Variants in AMMECR1L observed in about 807,000 individuals in gnomAD.
AMMECR1L encodes the protein AMMECR1 like, also known as AMMECR1-like protein.
Under a neutral mutation model 36.8 loss-of-function variants are expected in AMMECR1L, and 4 were observed. The ratio of observed to expected loss-of-function variants is 0.11; its 90% confidence interval spans 0.05 to 0.25. AMMECR1L has a LOEUF of 0.25. AMMECR1L is among the 10% of genes least tolerant of loss of function. The pLI is 1.00. For synonymous variants in AMMECR1L, 147 were observed against 148.0 expected (o/e 0.99, Z 0.05); for missense variants, 232 against 392.1 (o/e 0.59, Z 3.45).
At position 127,869,098 on chromosome 2, in the gene AMMECR1L, G is replaced by A. The variant is rs1690839503; in HGVS notation, c.724+356C>T. Among the ~76,000 whole-genome samples, 1 of 152,152 alleles carries A rather than the reference G, an allele frequency of 6.6e-6. No homozygotes were observed. The highest frequency in any genetic ancestry group is 1.5e-5 in the Non-Finnish European group (1 of 68,024). ...CATGTATAATATTGTTTAATGATTT[G>A]TGATCCAAAGTTCGGTACCTACTGA... is the stretch of plus-strand genomic sequence containing the variant. On this transcript the variant is annotated intron_variant, in intron 6 of 7. Coordinates refer to ENST00000272647, the MANE Select transcript of AMMECR1L (RefSeq NM_001199140.2). This position sits in a 1 kb window ranked among gnomAD's most constrained non-coding sequence, Gnocchi z 4.7.
Position 127,871,413 on chromosome 2 carries a change from G to A in AMMECR1L, c.408-54C>T. 6.4e-7 allele frequency: 1 copy of A among 1,553,052 alleles called. No homozygotes were observed. The highest frequency in any genetic ancestry group is 8.8e-7 in the Non-Finnish European group (1 of 1,140,986). On this transcript the variant is annotated intron_variant, in intron 3 of 7. Coordinates refer to ENST00000272647, the MANE Select transcript of AMMECR1L (RefSeq NM_001199140.2). The surrounding 1 kb of genome is among the most constrained non-coding windows in gnomAD (Gnocchi z 4.3). ...CCAGCCCCAAATTAATCATGGATAA[G>A]AACAAAACCTTTTGGCTTTGTCCCT...
rs1573532837 is a variant in AMMECR1L, at chr2:127,865,037, A to G, written c.*57T>C. On this transcript the variant is annotated 3_prime_UTR_variant, in exon 8 of 8. Coordinates refer to ENST00000272647, the MANE Select transcript of AMMECR1L (RefSeq NM_001199140.2). This position sits in a 1 kb window ranked among gnomAD's most constrained non-coding sequence, Gnocchi z 5.4. ...CCAGGAAGAGGAGGCATCTGCTCCA[A>G]TGATGTCATAGCCATTGGTGGCCAC... The G allele has an allele frequency of 1.5e-5, 18 of 1,210,690 alleles. No homozygotes were observed. The East Asian group carries it at 2.4e-4, about 16-fold the overall frequency. The allele number at this position is 1,210,690 out of a possible 1,614,324, so 75.0% of individuals were successfully genotyped here.
intron 2 of AMMECR1L, among the ~76,000 whole-genome samples, chr2:127,882,980 A>G (rs1488108314): frequency 6.6e-6 from 1 of 151,610 alleles, no homozygotes; most frequent in East Asian, 1.9e-4. Flanking sequence ...ACAGGGCTCA[A>G]GCGATCCTCC....
Position 127,873,893 on chromosome 2 carries a change from G to A in AMMECR1L, c.342C>T (p.Asp114=), listed in dbSNP as rs149079325. 583 of 1,614,194 alleles carry A rather than the reference G, an allele frequency of 3.6e-4. No individual in the cohort carries two copies. The highest frequency in any genetic ancestry group is 4.6e-4 in the Non-Finnish European group (538 of 1,180,038). The change falls in exon 3 of 8, where the codon GAC becomes GAT. Residue 114 remains aspartate, a synonymous_variant. Coordinates refer to ENST00000272647, the MANE Select transcript of AMMECR1L (RefSeq NM_001199140.2). This position sits in a 1 kb window ranked among gnomAD's most constrained non-coding sequence, Gnocchi z 5.2. ...AGCCATAGAGGTGACAGTAGAGTAC[G>A]TCGAAGCAGTAGCAGCACATCTCTG... is the stretch of plus-strand genomic sequence containing the variant. ...VTAEMCCYCF[D]VLYCHLYGFP...
At position 127,873,671 on chromosome 2, in the gene AMMECR1L, T is replaced by C. The variant is rs761578706; in HGVS notation, c.407+157A>G. 26 of 985,346 alleles carry C rather than the reference T, an allele frequency of 2.6e-5. No individual in the cohort carries two copies. The highest frequency in any genetic ancestry group is 3.1e-5 in the Non-Finnish European group (26 of 829,946). The allele number at this position is 985,346 out of a possible 1,614,324, so 61.0% of individuals were successfully genotyped here. A position where few individuals can be genotyped will look rare whatever the true frequency, so the allele number is the denominator to read the frequency against. ...CTTCCATTACTGAATCCACTGAATG[T>C]TTTAAATATTCTCTGGACATTTCTT... On this transcript the variant is annotated intron_variant, in intron 3 of 7. Transcript: ENST00000272647. This position sits in a 1 kb window ranked among gnomAD's most constrained non-coding sequence, Gnocchi z 5.2.
rs1029864731 is a variant in AMMECR1L, at chr2:127,874,806, G to A, written c.-38-534C>T. On this transcript the variant is annotated intron_variant, in intron 2 of 7. Transcript: ENST00000272647. This position sits in a 1 kb window ranked among gnomAD's most constrained non-coding sequence, Gnocchi z 5.2. ...CCACAGCAAGGATGAAAAGCAGTTG[G>A]CTGTCACTCTGAAGAGGGCACATCT... Among the ~76,000 whole-genome samples, 5 of 152,150 alleles carry A rather than the reference G, an allele frequency of 3.3e-5. No individual in the cohort carries two copies. Among genetic ancestry groups the A allele is most frequent in the Admixed American group, 2.6e-4 (4 of 15,266 alleles).
In AMMECR1L at chr2:127,861,935, G is replaced by A. The variant is rs1690485336; in HGVS notation, c.*3159C>T. 1 of 152,588 alleles carries A rather than the reference G, an allele frequency of 6.6e-6. No homozygotes were observed. Among genetic ancestry groups the A allele is most frequent in the African/African-American group, 2.4e-5 (1 of 41,436 alleles). 9.5% of individuals were successfully genotyped at this position (152,588 alleles called of 1,614,324 possible). A position where few individuals can be genotyped will look rare whatever the true frequency, so the allele number is the denominator to read the frequency against. On this transcript the variant is annotated 3_prime_UTR_variant, in exon 8 of 8. Transcript: ENST00000272647. ...AATATTAACACCCAGGACTTCTTTT[G>A]TATAGATGATTTTTATTATAAACAA... is the stretch of plus-strand genomic sequence containing the variant.
chr2:127,878,960 A>T (rs1691369511), intron 2 of AMMECR1L, among the ~76,000 whole-genome samples: 1 of 152,222 alleles, frequency 6.6e-6, no homozygotes, highest in Non-Finnish European at 1.5e-5. Flanking sequence ...AAAGTGGAGA[A>T]AATAGTATAC....
chr2:127,867,124 T>C, intron 6 of AMMECR1L, 128 bp from the exon 7 acceptor site: 7 of 1,504,044 alleles, frequency 4.7e-6, no homozygotes, highest in Non-Finnish European at 5.3e-6. Context: ...GAGGAAGCCC[T>C]GGGCACTGAC....
At chr2:127,880,773 T>TACACACACACACAC (rs56950354) in intron 2 of AMMECR1L, among the ~76,000 whole-genome samples, 1 of 148,904 alleles carries the variant, frequency 6.7e-6, no homozygotes, top group Non-Finnish European at 1.5e-5. Flanking sequence ...ACATACAGTA[T>TACACACACACACAC]ACACACACAC....
intron 2 of AMMECR1L, among the ~76,000 whole-genome samples, chr2:127,881,354 C>T (rs937393989): frequency 8.5e-6 from 1 of 117,344 alleles, no homozygotes; most frequent in African/African-American, 2.6e-5. Flanking sequence ...GATGATGCCC[C>T]CACTCATGTG....
chr2:127,883,515 G>A lies in AMMECR1L; in HGVS notation c.-39+688C>T, dbSNP rs567502629. ...GTAGCAAGGTGCCACATTTTTCTGG[G>A]CCTCAGTTCTTTCATTTGTAAAATA... On this transcript the variant is annotated intron_variant, in intron 2 of 7. Coordinates refer to ENST00000272647, the MANE Select transcript of AMMECR1L (RefSeq NM_001199140.2). Among the ~76,000 whole-genome samples, 4 of 151,988 alleles carry A rather than the reference G, an allele frequency of 2.6e-5. No homozygotes were observed. In the East Asian group the frequency reaches 7.7e-4, roughly 29 times the overall value.
chr2:127,874,321 G>GAAA lies in AMMECR1L; in HGVS notation c.-38-50_-38-49insTTT. On this transcript the variant is annotated intron_variant, in intron 2 of 7. Transcript: ENST00000272647. The surrounding 1 kb of genome is among the most constrained non-coding windows in gnomAD (Gnocchi z 5.2). The stretch of plus-strand genomic sequence containing the variant: ...ATTAATTTGACTGGTTAGTTAAAAG[G>GAAA]AGAGGAAAAAACATCAAAGATAGAG... 6.6e-7 allele frequency: 1 copy of GAAA among 1,514,802 alleles called. No homozygotes were observed. Among genetic ancestry groups the GAAA allele is most frequent in the African/African-American group, 1.4e-5 (1 of 71,556 alleles). 93.8% of individuals were successfully genotyped at this position (1,514,802 alleles called of 1,614,324 possible). A position where few individuals can be genotyped will look rare whatever the true frequency, so the allele number is the denominator to read the frequency against.
intron 1 of AMMECR1L, 124 bp downstream of exon 1, chr2:127,885,686 G>A (rs1414218475): frequency 1.0e-5 from 10 of 983,572 alleles, no homozygotes; most frequent in Non-Finnish European, 1.1e-5. Flanking sequence ...AGGACCGCGG[G>A]GTCTCTTCCC....
At chr2:127,880,801 C>CACA (rs1691464726) in intron 2 of AMMECR1L, among the ~76,000 whole-genome samples, 1 of 151,754 alleles carries the variant, frequency 6.6e-6, no homozygotes, top group Non-Finnish European at 1.5e-5. Context: ...CACACACACT[C>CACA]CTGATTGTCA....
Position 127,885,461 on chromosome 2 carries a change from G to A in AMMECR1L, c.-149+349C>T. On this transcript the variant is annotated intron_variant, in intron 1 of 7. Coordinates refer to ENST00000272647, the MANE Select transcript of AMMECR1L (RefSeq NM_001199140.2). Reference sequence around the variant, plus strand: ...TGGGTGGGGGCCACCAGGCGGCGCCGGAGACCACCAAACTTTACAGCGAGC... The same window carrying A: ...TGGGTGGGGGCCACCAGGCGGCGCCAGAGACCACCAAACTTTACAGCGAGC... 3.1e-6 allele frequency: 3 copies of A among 982,068 alleles called. No homozygotes were observed. The South Asian group carries it at 1.4e-4, about 46-fold the overall frequency. 60.8% of individuals were successfully genotyped at this position (982,068 alleles called of 1,614,324 possible). A position where few individuals can be genotyped will look rare whatever the true frequency, so the allele number is the denominator to read the frequency against.
rs1690984198 is a variant in AMMECR1L at position 127,871,844 on chromosome 2, A to C, written c.408-485T>G. Among the ~76,000 whole-genome samples the C allele has an allele frequency of 6.6e-6, 1 of 151,978 alleles. No individual in the cohort carries two copies. The highest frequency in any genetic ancestry group is 1.5e-5 in the Non-Finnish European group (1 of 68,012). On this transcript the variant is annotated intron_variant, in intron 3 of 7. Coordinates refer to ENST00000272647, the MANE Select transcript of AMMECR1L (RefSeq NM_001199140.2). The surrounding 1 kb of genome is among the most constrained non-coding windows in gnomAD (Gnocchi z 4.3). ...ACAACTACAAATATTTCCACTCACA[A>C]ATTTTCAGAAAAAAAAGTTCCCTCA...
chr2:127,881,092 AG>A (rs1320225050), intron 2 of AMMECR1L, among the ~76,000 whole-genome samples: 1 of 111,480 alleles, frequency 9.0e-6, no homozygotes, highest in Non-Finnish European at 1.8e-5. Context: ...AGTAGCTGTC[AG>A]TTCTGAACTG....
intron 2 of AMMECR1L, among the ~76,000 whole-genome samples, chr2:127,879,075 C>A (rs538565104): frequency 1.3e-5 from 2 of 152,284 alleles, no homozygotes; most frequent in South Asian, 4.1e-4. Context: ...ACCTCCCATC[C>A]CTCTATGGAA....
Sources: gnomAD v4.1 joint callset for allele counts (sites outside exome capture counted in the v4.1 genomes callset) on GRCh38, gnomAD v4.1.1 for gene constraint, Gnocchi (gnomAD v3.1) non-coding constraint, MANE v1.5 for transcripts, NCBI Gene and HGNC (gene_info 2026-07-23, HGNC 2026-07-21) for gene names.